Variants in SH3KBP1 observed in about 807,000 individuals in gnomAD.
The protein encoded by SH3KBP1 is SH3 domain containing kinase binding protein 1.
Under a neutral mutation model 50.1 loss-of-function variants are expected in SH3KBP1, and 8 were observed. The observed-to-expected ratio is 0.16, with a 90% CI of 0.09 to 0.29. The LOEUF (loss-of-function observed/expected upper bound fraction) is 0.29, where lower values mean the gene tolerates loss of function less well. Ranked by LOEUF, SH3KBP1 falls within the 10% of genes least tolerant of loss-of-function variation. The pLI is 1.00. For synonymous variants in SH3KBP1, 227 were observed against 218.6 expected (o/e 1.04, Z -0.34); for missense variants, 377 against 535.2 (o/e 0.70, Z 2.92).
chrX:19,874,890 G>A (rs2069196930), intron 1 of SH3KBP1, among the ~76,000 whole-genome samples: 1 of 105,584 alleles, frequency 9.5e-6, no homozygotes, highest in Middle Eastern at 4.3e-3. Flanking sequence ...AGGGAGACAG[G>A]GTGAAGAGGA....
In SH3KBP1 at chrX:19,623,461, G is replaced by A. The variant is rs192820983; in HGVS notation, c.897+8403C>T. 9.5e-4 allele frequency among the ~76,000 whole-genome samples: 106 copies of A among 112,090 alleles called. 1 individual carries two copies. The highest frequency in any genetic ancestry group is 1.7e-3 in the Non-Finnish European group (89 of 53,173). ...AGCACTTTGGGAGGCCCAGGCGGGC[G>A]GATCACCCGAGGTCAGGAGTTCAAG... On this transcript the variant is annotated intron_variant, in intron 8 of 17. Coordinates refer to ENST00000397821, the MANE Select transcript of SH3KBP1 (RefSeq NM_031892.3).
intron 16 of SH3KBP1, among the ~76,000 whole-genome samples, chrX:19,541,549 G>C (rs2064899668): frequency 1.8e-5 from 2 of 112,055 alleles, no homozygotes; most frequent in African/African-American, 6.5e-5. Flanking sequence ...TTTTTCTGTT[G>C]CAAGAGGAAA....
chrX:19,793,556 A>G (rs1231191669), intron 2 of SH3KBP1, among the ~76,000 whole-genome samples: 2 of 110,060 alleles, frequency 1.8e-5, no homozygotes, highest in Non-Finnish European at 3.8e-5. Context: ...ACACAATAAT[A>G]TGGGAGAAGA....
intron 2 of SH3KBP1, among the ~76,000 whole-genome samples, chrX:19,777,389 C>T (rs1171300548): frequency 9.0e-6 from 1 of 110,718 alleles, no homozygotes; most frequent in Non-Finnish European, 1.9e-5. Flanking sequence ...TTCAGTACAG[C>T]CTTGGGCCAG....
intron 3 of SH3KBP1, among the ~76,000 whole-genome samples, chrX:19,724,097 T>C (rs2064149170): frequency 9.0e-6 from 1 of 111,509 alleles, no homozygotes; most frequent in South Asian, 3.7e-4. Context: ...TCACCCAGAC[T>C]TCATTTTCCA....
intron 8 of SH3KBP1, among the ~76,000 whole-genome samples, chrX:19,627,883 T>A (rs11796324): frequency 0.021 from 2,384 of 112,368 alleles, 32 homozygotes; most frequent in Non-Finnish European, 0.031. Context: ...GAACACAGAA[T>A]TTAGAGAACA....
At chrX:19,642,621 T>C (rs1250637847) in intron 7 of SH3KBP1, among the ~76,000 whole-genome samples, 2 of 111,780 alleles carry the variant, frequency 1.8e-5, no homozygotes, top group African/African-American at 6.5e-5. Context: ...TATTTTTCTA[T>C]CCCACAGAGG....
intron 9 of SH3KBP1, among the ~76,000 whole-genome samples, chrX:19,603,750 T>A (rs932782567): frequency 8.9e-6 from 1 of 112,050 alleles, no homozygotes; most frequent in Non-Finnish European, 1.9e-5. Context: ...TGCACTGGCA[T>A]GATCACAGCA....
At chrX:19,590,425 G>A (rs1012216500) in intron 11 of SH3KBP1, among the ~76,000 whole-genome samples, 1 of 111,402 alleles carries the variant, frequency 9.0e-6, no homozygotes, top group Non-Finnish European at 1.9e-5. Context: ...TCCCTCACCC[G>A]CTGTGGCATA....
intron 1 of SH3KBP1, among the ~76,000 whole-genome samples, chrX:19,843,668 C>G (rs1238079082): frequency 9.0e-6 from 1 of 111,447 alleles, no homozygotes; most frequent in African/African-American, 3.3e-5. Context: ...GGCCTGAACT[C>G]TCTCCCTGGG....
chrX:19,881,541 A>G lies in SH3KBP1; in HGVS notation c.4+5766T>C, dbSNP rs2069433717. ...ATACCAATGATAATCAGCTCAACCA[A>G]TGTTAATCTTAGGCTTACAGTGTAC... On this transcript the variant is annotated intron_variant, in intron 1 of 17. Transcript: ENST00000397821. Among the ~76,000 whole-genome samples, 3 of 112,167 alleles carry G rather than the reference A, an allele frequency of 2.7e-5. No homozygotes were observed. The Admixed American group carries it at 2.8e-4, about 11-fold the overall frequency.
At chrX:19,673,616 C>T (rs777601080) in intron 6 of SH3KBP1, among the ~76,000 whole-genome samples, 19 of 111,189 alleles carry the variant, frequency 1.7e-4, no homozygotes, top group Admixed American at 4.8e-4. Flanking sequence ...CATGGAGCCC[C>T]GGGGCTGGCA....
chrX:19,720,007 G>C (rs950732396), intron 3 of SH3KBP1, among the ~76,000 whole-genome samples: 2 of 109,961 alleles, frequency 1.8e-5, no homozygotes, highest in African/African-American at 3.3e-5. Context: ...AAATTGGGAT[G>C]ATGGAGACAG....
At chrX:19,842,108 T>C (rs141926104) in intron 1 of SH3KBP1, among the ~76,000 whole-genome samples, 2,565 of 111,839 alleles carry the variant, frequency 0.023, 84 homozygotes, top group African/African-American at 0.079. Context: ...AAGAATCTTT[T>C]TGGGGTGACG....
At chrX:19,760,494 T>C (rs1443720653) in intron 2 of SH3KBP1, among the ~76,000 whole-genome samples, 1 of 109,850 alleles carries the variant, frequency 9.1e-6, no homozygotes, top group Non-Finnish European at 1.9e-5. Flanking sequence ...AGAGCTGAAG[T>C]TGTCAGGAAC....
At chrX:19,692,624 CGTGTGTGTGTGT>C (rs534431997) in intron 5 of SH3KBP1, among the ~76,000 whole-genome samples, 1,110 of 68,640 alleles carry the variant, frequency 0.016, 24 homozygotes, top group African/African-American at 0.032. Flanking sequence ...TATATACATA[CGTGTGTGTGTGT>C]GTGTGTGTGT....
chrX:19,539,998 T>C (rs922995508), intron 16 of SH3KBP1, among the ~76,000 whole-genome samples: 1 of 110,743 alleles, frequency 9.0e-6, no homozygotes, highest in South Asian at 3.9e-4. Context: ...TCTCATAGGG[T>C]CCAAACAGCT....
intron 1 of SH3KBP1, among the ~76,000 whole-genome samples, chrX:19,884,702 C>A (rs2069540350): frequency 8.9e-6 from 1 of 112,405 alleles, no homozygotes; most frequent in Admixed American, 9.4e-5. Context: ...TGGAATTAAA[C>A]AGAAATCATT....
chrX:19,704,437 T>TTA (rs1269157849), intron 4 of SH3KBP1, among the ~76,000 whole-genome samples: 2 of 112,861 alleles, frequency 1.8e-5, no homozygotes, highest in Admixed American at 9.4e-5. Context: ...TCTTAATGCA[T>TTA]TATTACAATA....
Sources: allele counts gnomAD v4.1 joint callset (sites outside exome capture counted in the v4.1 genomes callset), GRCh38; gene constraint gnomAD v4.1.1; transcripts MANE v1.5; gene names NCBI Gene and HGNC (gene_info 2026-07-23, HGNC 2026-07-21).